The following LRP5 variants were observed in gnomAD, a reference collection of about 807,000 sequenced individuals.
LRP5 encodes the protein low-density lipoprotein receptor-related protein 5.
In LRP5, 62 loss-of-function variants were observed where a neutral mutation model predicts 154.1. That is an observed-to-expected ratio of 0.40 (90% CI 0.33 to 0.50). The LOEUF is 0.50. Ranked by LOEUF, LRP5 falls within the 20% of genes least tolerant of loss-of-function variation. The probability of loss-of-function intolerance (pLI) is 0.55; values close to 1 mark genes in which losing one functional copy is unlikely to be tolerated. For missense variants in LRP5, 1,915 were observed against 2,336.7 expected (o/e 0.82, Z 3.72); for synonymous variants, 966 against 1,011.5 (o/e 0.96, Z 0.85).
intron 1 of LRP5, among the ~76,000 whole-genome samples, chr11:68,339,374 A>G (rs4988308): frequency 0.48 from 72,599 of 151,610 alleles, 20,408 homozygotes; most frequent in East Asian, 0.81. Flanking sequence ...CCGAAACGGA[A>G]TTTTGGTCTG....
intron 13 of LRP5, among the ~76,000 whole-genome samples, chr11:68,422,000 T>G (rs1430350463): frequency 6.6e-6 from 1 of 152,100 alleles, no homozygotes; most frequent in Non-Finnish European, 1.5e-5. Context: ...TGAGCATAGC[T>G]CACTGCAGCC....
chr11:68,341,202 T>C (rs992470214), intron 1 of LRP5, among the ~76,000 whole-genome samples: 1 of 152,014 alleles, frequency 6.6e-6, no homozygotes, highest in African/African-American at 2.4e-5. Flanking sequence ...TTTATGTTCA[T>C]GATGCGGCAG....
At chr11:68,429,819 C>G (rs555058500) in intron 17 of LRP5, 119 bp downstream of exon 17, 1 of 1,310,104 alleles carries the variant, frequency 7.6e-7, no homozygotes, top group East Asian at 2.3e-5. Flanking sequence ...GTTTCCAAAG[C>G]TGATTGTGTC....
intron 7 of LRP5, among the ~76,000 whole-genome samples, chr11:68,402,819 G>A (rs369918326): frequency 6.6e-6 from 1 of 152,202 alleles, no homozygotes; most frequent in African/African-American, 2.4e-5. Flanking sequence ...GCAGTGGTTC[G>A]GGAGAGGACA....
chr11:68,308,747 T>C (rs1202056410), upstream of LRP5, among the ~76,000 whole-genome samples: 1 of 151,718 alleles, frequency 6.6e-6, no homozygotes, highest in Non-Finnish European at 1.5e-5. Flanking sequence ...ACAGCCCCTT[T>C]CTTTTTTTTT....
intron 6 of LRP5, among the ~76,000 whole-genome samples, chr11:68,387,119 C>CTT (rs57008632): frequency 2.1e-5 from 3 of 144,584 alleles, no homozygotes; most frequent in Non-Finnish European, 4.6e-5. Flanking sequence ...CTCTTTTTTT[C>CTT]TTTTTTTTTT....
intron 2 of LRP5, among the ~76,000 whole-genome samples, chr11:68,352,858 T>G (rs2098619917): frequency 6.6e-6 from 1 of 151,900 alleles, no homozygotes; most frequent in Admixed American, 6.6e-5. Context: ...TGCTAGGCGC[T>G]TGGTTGGGAG....
chr11:68,353,734 G>C lies in LRP5; in HGVS notation c.489-3916G>C, dbSNP rs573337730. On this transcript the variant is annotated intron_variant, in intron 2 of 22. Coordinates refer to ENST00000294304, the MANE Select transcript of LRP5 (RefSeq NM_002335.4). This position sits in a 1 kb window ranked among gnomAD's most constrained non-coding sequence, Gnocchi z 4.5. ...CCCACCAGGGTCCTTCCTCAGAGGA[G>C]GGGGTTCCTGCCCCGGCCATCATCA... is the stretch of plus-strand genomic sequence containing the variant. Among the ~76,000 whole-genome samples the C allele has an allele frequency of 1.3e-5, 2 of 152,312 alleles. No homozygotes were observed. The highest frequency in any genetic ancestry group is 4.1e-4 in the South Asian group (2 of 4,828).
chr11:68,302,413 T>C, the LRP5 span, among the ~76,000 whole-genome samples: 20 of 151,324 alleles, frequency 1.3e-4, no homozygotes, highest in African/African-American at 4.4e-4. Flanking sequence ...TCTGTGTTCC[T>C]GTCCTGGGTT....
At chr11:68,406,476 C>T in intron 8 of LRP5, 48 bp from the exon 9 acceptor site, 1 of 1,602,518 alleles carries the variant, frequency 6.2e-7, no homozygotes, top group Non-Finnish European at 8.5e-7. Flanking sequence ...ACCCCTTTCC[C>T]TGCTGGGCTG....
chr11:68,315,951 G>A (rs1466786937), intron 1 of LRP5, among the ~76,000 whole-genome samples: 1 of 152,024 alleles, frequency 6.6e-6, no homozygotes, highest in Admixed American at 6.5e-5. Context: ...TTAAATTGAG[G>A]TGAAACTTAT....
intron 14 of LRP5, 68 bp from the exon 15 acceptor site, chr11:68,425,034 C>T (rs1439212838): frequency 1.4e-6 from 2 of 1,459,620 alleles, no homozygotes; most frequent in African/African-American, 2.8e-5. Flanking sequence ...AGCTGGGTGC[C>T]CTGGGCTCCG....
chr11:68,328,257 T>C (rs1299342272), intron 1 of LRP5, among the ~76,000 whole-genome samples: 1 of 152,232 alleles, frequency 6.6e-6, no homozygotes, highest in Non-Finnish European at 1.5e-5. Flanking sequence ...CATTTGAAAG[T>C]AGAGCTGCCA....
At chr11:68,335,817 A>G (rs1010865766) in intron 1 of LRP5, among the ~76,000 whole-genome samples, 1 of 152,224 alleles carries the variant, frequency 6.6e-6, no homozygotes, top group African/African-American at 2.4e-5. Context: ...ACACTTGCTT[A>G]CATCTCGACA....
intron 1 of LRP5, among the ~76,000 whole-genome samples, chr11:68,343,922 T>C (rs1338647516): frequency 6.6e-6 from 1 of 152,124 alleles, no homozygotes; most frequent in Non-Finnish European, 1.5e-5. Context: ...GGCAGGGACC[T>C]GGGCTCCTCC....
At chr11:68,311,445 T>C (rs1265497067), upstream of LRP5, among the ~76,000 whole-genome samples, 1 of 152,234 alleles carries the variant, frequency 6.6e-6, no homozygotes, top group Admixed American at 6.5e-5. Flanking sequence ...TGGTAGCAGC[T>C]CAAGTGTCCT....
intron 1 of LRP5, among the ~76,000 whole-genome samples, 158 bp from the exon 2 acceptor site, chr11:68,347,689 A>G (rs2098614307): frequency 6.6e-6 from 1 of 152,218 alleles, no homozygotes; most frequent in Non-Finnish European, 1.5e-5. Flanking sequence ...CTGCCCAGGC[A>G]ACTTCCTGAC....
At chr11:68,319,942 G>A (rs1285584097) in intron 1 of LRP5, among the ~76,000 whole-genome samples, 2 of 152,250 alleles carry the variant, frequency 1.3e-5, no homozygotes, top group East Asian at 3.9e-4. Context: ...AGGATCACTT[G>A]AGTCCAGGAG....
chr11:68,398,004 GTGTGTT>G (rs1310360961), intron 7 of LRP5, among the ~76,000 whole-genome samples: 3 of 151,762 alleles, frequency 2.0e-5, no homozygotes, highest in Admixed American at 2.0e-4. Context: ...GTGTGTGTGT[GTGTGTT>G]TGCGTGCGCG....
Sources: allele counts gnomAD v4.1 joint callset (sites outside exome capture counted in the v4.1 genomes callset), GRCh38; gene constraint gnomAD v4.1.1; non-coding constraint Gnocchi (gnomAD v3.1); transcripts MANE v1.5; gene names NCBI Gene and HGNC (gene_info 2026-07-23, HGNC 2026-07-21).